GAB2: variants seen among roughly 807,000 people sequenced by gnomAD.
The protein encoded by GAB2 is GRB2 associated binding protein 2, also known as GRB2-associated-binding protein 2.
Under a neutral mutation model 65.5 loss-of-function variants are expected in GAB2, and 26 were observed. The ratio of observed to expected loss-of-function variants is 0.40; its 90% CI spans 0.29 to 0.55. The LOEUF (loss-of-function observed/expected upper bound fraction) is 0.55. Ranked by LOEUF, GAB2 falls within the 20% of genes least tolerant of loss-of-function variation. The pLI, the probability that GAB2 is intolerant of heterozygous loss-of-function variation, is 0.53. For synonymous variants in GAB2, 321 were observed against 329.6 expected, an observed-to-expected ratio of 0.97 and a Z score of 0.28; for missense variants, 884 against 875.8, an observed-to-expected ratio of 1.01 and a Z score of -0.12.
At chr11:78,413,579 G>A (rs1857156470) in intron 1 of GAB2, among the ~76,000 whole-genome samples, 1 of 152,126 alleles carries the variant, frequency 6.6e-6, no homozygotes, top group Non-Finnish European at 1.5e-5. Flanking sequence ...AGCCGACTGA[G>A]AAGAAGGTGG....
At chr11:78,281,428 A>G (rs141191041) in intron 1 of GAB2, among the ~76,000 whole-genome samples, 1,863 of 152,220 alleles carry the variant, frequency 0.012, 24 homozygotes, top group Middle Eastern at 0.017. Flanking sequence ...TGTTTTTAGT[A>G]GAGACAGGGT....
chr11:78,261,832 A>C (rs1017929706), intron 2 of GAB2, among the ~76,000 whole-genome samples: 2 of 152,220 alleles, frequency 1.3e-5, no homozygotes, highest in African/African-American at 2.4e-5. Context: ...GAACTTTGGG[A>C]ACCCATTAGT....
intron 2 of GAB2, among the ~76,000 whole-genome samples, chr11:78,264,575 AT>A (rs199764014): frequency 2.5e-4 from 36 of 144,472 alleles, no homozygotes; most frequent in Non-Finnish European, 2.6e-4. Context: ...TAATTTTTGT[AT>A]TTTTTTTTTT....
intron 1 of GAB2, among the ~76,000 whole-genome samples, chr11:78,374,611 G>A (rs1856610482): frequency 6.6e-6 from 1 of 152,184 alleles, no homozygotes; most frequent in Non-Finnish European, 1.5e-5. Context: ...TCATTACGCT[G>A]AATGCTAAAA....
intron 2 of GAB2, among the ~76,000 whole-genome samples, chr11:78,277,375 C>G (rs1292428342): frequency 2.6e-5 from 4 of 152,160 alleles, no homozygotes; most frequent in Non-Finnish European, 4.4e-5. Context: ...CCCATCTCAC[C>G]AGGAATGTCA....
chr11:78,249,503 C>T (rs1391425317), intron 3 of GAB2, among the ~76,000 whole-genome samples: 1 of 152,188 alleles, frequency 6.6e-6, no homozygotes, highest in Non-Finnish European at 1.5e-5. Context: ...ACAGGTTCTG[C>T]ACCTGTGAAA....
At chr11:78,345,115 A>G (rs1261990953) in intron 1 of GAB2, among the ~76,000 whole-genome samples, 3 of 152,218 alleles carry the variant, frequency 2.0e-5, no homozygotes, top group Non-Finnish European at 4.4e-5. Flanking sequence ...CCCCGTCTCT[A>G]CTAAAAATAC....
At chr11:78,240,682 G>A (rs747191586) in intron 3 of GAB2, among the ~76,000 whole-genome samples, 7 of 152,162 alleles carry the variant, frequency 4.6e-5, no homozygotes, top group Non-Finnish European at 8.8e-5. Flanking sequence ...GAGCCTTATT[G>A]ACTCAGGTTC....
chr11:78,384,975 G>A (rs988291087), intron 1 of GAB2, among the ~76,000 whole-genome samples: 1 of 152,190 alleles, frequency 6.6e-6, no homozygotes, highest in Non-Finnish European at 1.5e-5. Flanking sequence ...GTCCTCTTGA[G>A]AAGACTCTCT....
intron 1 of GAB2, among the ~76,000 whole-genome samples, chr11:78,365,332 C>G (rs1441452607): frequency 6.6e-6 from 1 of 152,228 alleles, no homozygotes; most frequent in Non-Finnish European, 1.5e-5. Context: ...AGTGTCCCTT[C>G]TCCTTCTGCA....
intron 2 of GAB2, among the ~76,000 whole-genome samples, chr11:78,250,999 G>C (rs1402242684): frequency 6.6e-6 from 1 of 152,046 alleles, no homozygotes; most frequent in Admixed American, 6.6e-5. Context: ...TACCTATGGG[G>C]TACAATGCTA....
chr11:78,232,718 AT>A (rs1864877735), intron 3 of GAB2, among the ~76,000 whole-genome samples: 1 of 152,348 alleles, frequency 6.6e-6, no homozygotes, highest in South Asian at 2.1e-4. Flanking sequence ...AATTTACTGT[AT>A]CTTTACAATC....
intron 2 of GAB2, among the ~76,000 whole-genome samples, chr11:78,255,062 G>A (rs898317625): frequency 6.6e-6 from 1 of 152,026 alleles, no homozygotes; most frequent in Non-Finnish European, 1.5e-5. Flanking sequence ...AAGTCATACT[G>A]GATTAGGGTG....
intron 2 of GAB2, among the ~76,000 whole-genome samples, chr11:78,251,252 A>G (rs1307066652): frequency 6.6e-6 from 1 of 152,066 alleles, no homozygotes; most frequent in Non-Finnish European, 1.5e-5. Flanking sequence ...TGAGAAAAGC[A>G]CAAATGCATT....
chr11:78,267,963 T>C (rs570082518), intron 2 of GAB2, among the ~76,000 whole-genome samples: 1 of 152,140 alleles, frequency 6.6e-6, no homozygotes, highest in South Asian at 2.1e-4. Flanking sequence ...CATGTTTTCA[T>C]ATTTTTATGG....
chr11:78,291,294 C>CAAAA (rs397848614), intron 1 of GAB2, among the ~76,000 whole-genome samples: 2,493 of 103,732 alleles, frequency 0.024, 56 homozygotes, highest in African/African-American at 0.081. Context: ...ACTAAAACGA[C>CAAAA]AAAAAAAAAA....
chr11:78,410,652 TAG>T (rs1297759284), intron 1 of GAB2, among the ~76,000 whole-genome samples: 8 of 152,332 alleles, frequency 5.3e-5, no homozygotes, highest in African/African-American at 1.9e-4. Context: ...TGTAACAACT[TAG>T]ACAAAATGGA....
intron 3 of GAB2, among the ~76,000 whole-genome samples, chr11:78,243,176 GA>G (rs1243666087): frequency 7.1e-6 from 1 of 141,804 alleles, no homozygotes; most frequent in Non-Finnish European, 1.5e-5. Flanking sequence ...AAAAAAAAAA[GA>G]AAAAAAAAGG....
chr11:78,257,592 C>A (rs988009064), intron 2 of GAB2, among the ~76,000 whole-genome samples: 1 of 152,176 alleles, frequency 6.6e-6, no homozygotes, highest in Non-Finnish European at 1.5e-5. Context: ...CTGGTTGAGA[C>A]CTTGAGATTG....
Sources: gnomAD v4.1 joint callset for allele counts (sites outside exome capture counted in the v4.1 genomes callset) on GRCh38, gnomAD v4.1.1 for gene constraint, MANE v1.5 for transcripts, NCBI Gene and HGNC (gene_info 2026-07-23, HGNC 2026-07-21) for gene names.